The following HACD2 variants were observed in gnomAD, a reference collection of about 807,000 sequenced individuals.
The protein encoded by HACD2 is 3-hydroxyacyl-CoA dehydratase 2, also known as very-long-chain (3R)-3-hydroxyacyl-CoA dehydratase 2.
HACD2 carries 15 observed loss-of-function variants against 31.0 expected under a neutral mutation model. The ratio of observed to expected loss-of-function variants is 0.48; its 90% confidence interval spans 0.32 to 0.75. The LOEUF is 0.75. Among genes scored for constraint, HACD2 ranks in the 30% least tolerant of loss-of-function variants. HACD2 has a pLI of 0.03. For missense variants in HACD2, 283 were observed against 313.0 expected (o/e 0.90, Z 0.72); for synonymous variants, 115 against 122.2 (o/e 0.94, Z 0.39).
chr3:123,512,841 G>GTA (rs1426578027), intron 4 of HACD2, among the ~76,000 whole-genome samples: 3 of 152,160 alleles, frequency 2.0e-5, no homozygotes, highest in Non-Finnish European at 2.9e-5. Context: ...ATATGTGTGT[G>GTA]TATGTGTGTA....
rs2055810082 is a variant in HACD2 at position 123,494,608 on chromosome 3, A to T, written c.*280T>A. Reference sequence around the variant, plus strand: ...AGATACATGAAGGACACAGAAGGACATAAAATGCCAAATCCCTTTCTAGTG... The same window carrying T: ...AGATACATGAAGGACACAGAAGGACTTAAAATGCCAAATCCCTTTCTAGTG... On this transcript the variant is annotated 3_prime_UTR_variant, in exon 7 of 7. Coordinates refer to ENST00000383657, the MANE Select transcript of HACD2 (RefSeq NM_198402.5). 1 of 445,506 alleles carries T rather than the reference A, an allele frequency of 2.2e-6. No homozygotes were observed. The highest frequency in any genetic ancestry group is 2.0e-5 in the African/African-American group (1 of 49,244). The allele number at this position is 445,506 out of a possible 1,614,324, so 27.6% of individuals were successfully genotyped here.
chr3:123,580,767 C>T (rs1030574656), intron 2 of HACD2, among the ~76,000 whole-genome samples: 6 of 144,732 alleles, frequency 4.1e-5, no homozygotes, highest in East Asian at 4.1e-4. Flanking sequence ...CCAGCCTGGG[C>T]GACAGAACAA....
intron 4 of HACD2, among the ~76,000 whole-genome samples, chr3:123,511,535 T>A (rs1445547385): frequency 1.3e-5 from 2 of 152,082 alleles, no homozygotes; most frequent in Admixed American, 6.5e-5. Context: ...GAAAAGGGAA[T>A]AGAGAATAAT....
intron 2 of HACD2, 34 bp from the exon 3 acceptor site, chr3:123,567,814 A>G: frequency 7.1e-7 from 1 of 1,404,040 alleles, no homozygotes; most frequent in Non-Finnish European, 9.7e-7. Flanking sequence ...GAGGAGAATT[A>G]GTAAGAATCA....
intron 5 of HACD2, 147 bp downstream of exon 5, chr3:123,502,413 C>G: frequency 2.8e-6 from 2 of 720,082 alleles, no homozygotes; most frequent in African/African-American, 1.8e-5. Flanking sequence ...GTACAGACTC[C>G]TATTCTGATG....
chr3:123,509,038 C>T (rs769441802), intron 4 of HACD2, among the ~76,000 whole-genome samples: 12 of 152,048 alleles, frequency 7.9e-5, no homozygotes, highest in Non-Finnish European at 1.3e-4. Context: ...TACCATCGCG[C>T]TGGGGGTTAG....
At chr3:123,529,784 A>G (rs932741492) in intron 3 of HACD2, among the ~76,000 whole-genome samples, 2 of 152,102 alleles carry the variant, frequency 1.3e-5, no homozygotes, top group Non-Finnish European at 2.9e-5. Context: ...GAATTATAAA[A>G]CCTGGTTATA....
Position 123,551,835 on chromosome 3 carries a change from A to G in HACD2, c.292+15927T>C, listed in dbSNP as rs116638204. ...AAAACCACCAACATATTTAACAAAT[A>G]GACAACTGGTTAAAAATCACAATAT... On this transcript the variant is annotated intron_variant, in intron 3 of 6. Coordinates refer to ENST00000383657, the MANE Select transcript of HACD2 (RefSeq NM_198402.5). 5.8e-3 allele frequency among the ~76,000 whole-genome samples: 880 copies of G among 152,326 alleles called. 7 individuals carry two copies. The highest frequency in any genetic ancestry group is 0.01 in the Non-Finnish European group (699 of 68,028).
chr3:123,579,461 TA>T (rs879847756), intron 2 of HACD2, among the ~76,000 whole-genome samples: 102 of 145,470 alleles, frequency 7.0e-4, no homozygotes, highest in Admixed American at 7.6e-4. Flanking sequence ...CCAGCCCAGC[TA>T]AAAAAAAAAA....
At chr3:123,542,178 A>T (rs1195025657) in intron 3 of HACD2, among the ~76,000 whole-genome samples, 2 of 148,878 alleles carry the variant, frequency 1.3e-5, no homozygotes, top group African/African-American at 4.9e-5. Flanking sequence ...AAAAGAATAC[A>T]AATTGTTTTT....
At chr3:123,584,165 C>T (rs1006974451) in intron 1 of HACD2, among the ~76,000 whole-genome samples, 1 of 152,156 alleles carries the variant, frequency 6.6e-6, no homozygotes, top group African/African-American at 2.4e-5. Flanking sequence ...CAAAGTCACA[C>T]AGCTAGTTAG....
chr3:123,574,670 TA>T (rs899553893), intron 2 of HACD2, among the ~76,000 whole-genome samples: 32 of 150,602 alleles, frequency 2.1e-4, no homozygotes, highest in African/African-American at 7.5e-4. Flanking sequence ...AATTTTATTT[TA>T]AAAAATTACA....
intron 5 of HACD2, 113 bp downstream of exon 5, chr3:123,502,447 C>G: frequency 3.6e-6 from 4 of 1,122,682 alleles, no homozygotes; most frequent in Non-Finnish European, 5.0e-6. Context: ...AAATTTCTAC[C>G]CAACCCGTCT....
chr3:123,533,438 G>A (rs2056389702), intron 3 of HACD2, among the ~76,000 whole-genome samples: 1 of 152,190 alleles, frequency 6.6e-6, no homozygotes, highest in South Asian at 2.1e-4. Flanking sequence ...CATGTGCCTG[G>A]CAGATAGATC....
rs113583563 is a variant in HACD2 at position 123,576,186 on chromosome 3, T to A, written c.273+6026A>T. 3.7e-3 allele frequency among the ~76,000 whole-genome samples: 561 copies of A among 152,322 alleles called. 3 individuals carry two copies. The highest frequency in any genetic ancestry group is 0.013 in the African/African-American group (536 of 41,578). On this transcript the variant is annotated intron_variant, in intron 2 of 6. Coordinates refer to ENST00000383657, the MANE Select transcript of HACD2 (RefSeq NM_198402.5). ...TCCCGCCTTTTTTGAATCTTCAGTA[T>A]CACCTATTTCTTGCACTGTGGCTCC...
chr3:123,577,573 A>G (rs2056921153), intron 2 of HACD2, among the ~76,000 whole-genome samples: 1 of 150,026 alleles, frequency 6.7e-6, no homozygotes, highest in Non-Finnish European at 1.5e-5. Context: ...GTGAGCCGAG[A>G]TCGCGCCACT....
At chr3:123,497,652 T>C (rs1316439031) in intron 6 of HACD2, among the ~76,000 whole-genome samples, 1 of 152,206 alleles carries the variant, frequency 6.6e-6, no homozygotes, top group Non-Finnish European at 1.5e-5. Flanking sequence ...GGGGGTGGAA[T>C]GTAAACAGGC....
intron 4 of HACD2, among the ~76,000 whole-genome samples, chr3:123,520,226 A>T (rs1053910596): frequency 6.6e-6 from 1 of 152,238 alleles, no homozygotes; most frequent in African/African-American, 2.4e-5. Context: ...GTACTAAAAA[A>T]ACCCCTTAAT....
intron 4 of HACD2, among the ~76,000 whole-genome samples, chr3:123,507,356 T>G (rs915782811): frequency 7.2e-5 from 11 of 152,126 alleles, no homozygotes; most frequent in Non-Finnish European, 1.5e-4. Flanking sequence ...AACCCAAATA[T>G]CCATCAACTG....
Sources: allele counts gnomAD v4.1 joint callset (sites outside exome capture counted in the v4.1 genomes callset), GRCh38; gene constraint gnomAD v4.1.1; transcripts MANE v1.5; gene names NCBI Gene and HGNC (gene_info 2026-07-23, HGNC 2026-07-21).